Variants in CAV1 observed in about 807,000 individuals in gnomAD.
CAV1 encodes the protein caveolin-1.
A neutral mutation model predicts 16.5 loss-of-function variants in CAV1; 10 were observed. That is an observed-to-expected ratio of 0.61 (90% CI 0.37 to 1.03). The LOEUF is 1.03. Among genes scored for constraint, CAV1 ranks in the 50% least tolerant of loss-of-function variants. The pLI is 0.01. For synonymous variants in CAV1, 76 were observed against 85.1 expected, an observed-to-expected ratio of 0.89 and a Z score of 0.59; for missense variants, 212 against 232.8, an observed-to-expected ratio of 0.91 and a Z score of 0.58.
At chr7:116,551,479 G>C (rs562376623) in intron 2 of CAV1, among the ~76,000 whole-genome samples, 13 of 152,168 alleles carry the variant, frequency 8.5e-5, no homozygotes, top group Middle Eastern at 3.4e-3. Flanking sequence ...TCTATTTCTG[G>C]ACTTTGTCCC....
chr7:116,526,468 C>T, intron 1 of CAV1, 57 bp from the exon 2 acceptor site: 1 of 1,610,942 alleles, frequency 6.2e-7, no homozygotes. Flanking sequence ...TGCATTTTTC[C>T]TCCCACCGCC....
At chr7:116,539,834 C>T (rs111937486) in intron 2 of CAV1, among the ~76,000 whole-genome samples, 2 of 152,138 alleles carry the variant, frequency 1.3e-5, no homozygotes, top group African/African-American at 4.8e-5. Context: ...ATACCATCTG[C>T]TGCTGTTTGG....
chr7:116,527,026 A>T (rs984113976), intron 2 of CAV1: 20 of 378,722 alleles, frequency 5.3e-5, no homozygotes, highest in Non-Finnish European at 7.6e-5. Flanking sequence ...GGACGGTGAG[A>T]TGGTTCCTAT....
chr7:116,525,535 C>A (rs1212417016), intron 1 of CAV1: 3 of 1,225,614 alleles, frequency 2.4e-6, no homozygotes, highest in Non-Finnish European at 3.1e-6. Flanking sequence ...GCGCCCAGAC[C>A]GGCAGGTCCC....
At chr7:116,526,417 C>G in intron 1 of CAV1, 108 bp from the exon 2 acceptor site, 1 of 1,573,550 alleles carries the variant, frequency 6.4e-7, no homozygotes, top group East Asian at 2.3e-5. Flanking sequence ...TCGAGGTTTC[C>G]CCCGCCGCCA....
At chr7:116,545,769 G>A (rs993216428) in intron 2 of CAV1, among the ~76,000 whole-genome samples, 1 of 152,212 alleles carries the variant, frequency 6.6e-6, no homozygotes, top group Non-Finnish European at 1.5e-5. Flanking sequence ...TCCGTTTCTT[G>A]TGTCTTTGAT....
chr7:116,531,888 C>G (rs1343508362), intron 2 of CAV1, among the ~76,000 whole-genome samples: 1 of 152,134 alleles, frequency 6.6e-6, no homozygotes, highest in Non-Finnish European at 1.5e-5. Context: ...GCATTATGAT[C>G]ATCTTTAGTG....
At position 116,559,572 on chromosome 7, in the gene CAV1, T is replaced by A. The variant is rs924208369; in HGVS notation, c.*285T>A. The A allele has an allele frequency of 1.1e-5, 6 of 533,832 alleles. No individual in the cohort carries two copies. Among genetic ancestry groups the A allele is most frequent in the Middle Eastern group, 4.8e-4 (1 of 2,092 alleles). 33.1% of individuals were successfully genotyped at this position (533,832 alleles called of 1,614,324 possible). A position where few individuals can be genotyped will look rare whatever the true frequency, so the allele number is the denominator to read the frequency against. On this transcript the variant is annotated 3_prime_UTR_variant, in exon 3 of 3. Transcript: ENST00000341049. Reference sequence around the variant, plus strand: ...CTTTATTGGCTGAGATATGAACATATTGTTGAAAGGTAATTTGAGAGAAAT... The same window carrying A: ...CTTTATTGGCTGAGATATGAACATAATGTTGAAAGGTAATTTGAGAGAAAT...
At chr7:116,526,290 T>A in intron 1 of CAV1, 2 of 1,321,558 alleles carry the variant, frequency 1.5e-6, no homozygotes, top group Admixed American at 3.1e-5. Flanking sequence ...AGGCGCGCCC[T>A]GCAGAGTACA....
intron 2 of CAV1, among the ~76,000 whole-genome samples, chr7:116,539,192 TCTC>T (rs1793887201): frequency 6.6e-6 from 1 of 152,066 alleles, no homozygotes; most frequent in African/African-American, 2.4e-5. Context: ...CAGCATCTCT[TCTC>T]CTTGCCCCCG....
chr7:116,539,305 A>G (rs1359166687), intron 2 of CAV1, among the ~76,000 whole-genome samples: 2 of 151,454 alleles, frequency 1.3e-5, no homozygotes, highest in African/African-American at 4.9e-5. Context: ...CTTCCTTCTC[A>G]CCCCACTTTG....
chr7:116,559,998 C>T lies in CAV1; in HGVS notation c.*711C>T. The T allele has an allele frequency of 1.0e-5, 4 of 396,706 alleles. No homozygotes were observed. The highest frequency in any genetic ancestry group is 1.8e-5 in the Non-Finnish European group (4 of 225,100). 24.6% of individuals were successfully genotyped at this position (396,706 alleles called of 1,614,324 possible). On this transcript the variant is annotated 3_prime_UTR_variant, in exon 3 of 3. Transcript: ENST00000341049. ...AAATAGGGTCTAACTCAGCAACTCG[C>T]TTTAGGTCAGCAGCCTCCCTGAAGA...
intron 2 of CAV1, 60 bp downstream of exon 2, chr7:116,526,749 T>A: frequency 6.3e-7 from 1 of 1,598,456 alleles, no homozygotes; most frequent in Non-Finnish European, 8.6e-7. Context: ...AGTTAGCCCG[T>A]GCATCCTTCT....
intron 1 of CAV1, chr7:116,526,188 G>A: frequency 1.9e-5 from 14 of 741,918 alleles, no homozygotes; most frequent in Non-Finnish European, 2.3e-5. Context: ...GGTCCTGCGG[G>A]TCCTGCGTGC....
chr7:116,541,994 CT>C (rs898734465), intron 2 of CAV1, among the ~76,000 whole-genome samples: 1 of 152,142 alleles, frequency 6.6e-6, no homozygotes, highest in African/African-American at 2.4e-5. Flanking sequence ...ACACTTTCCC[CT>C]ATGCCAGCAG....
At chr7:116,555,519 AGAGAGAGAGAG>A (rs1562838194) in intron 2 of CAV1, among the ~76,000 whole-genome samples, 3 of 6,572 alleles carry the variant, frequency 4.6e-4, no homozygotes, top group Non-Finnish European at 9.6e-4. Context: ...AAAGAAAGAA[AGAGAGAGAGAG>A]AGAGAGAGAG....
chr7:116,535,390 C>T (rs1240727477), intron 2 of CAV1, among the ~76,000 whole-genome samples: 1 of 152,170 alleles, frequency 6.6e-6, no homozygotes, highest in Non-Finnish European at 1.5e-5. Context: ...AAGAGGATCC[C>T]TTATGTTCCA....
chr7:116,546,083 G>T (rs1332225151), intron 2 of CAV1, among the ~76,000 whole-genome samples: 1 of 152,124 alleles, frequency 6.6e-6, no homozygotes, highest in Non-Finnish European at 1.5e-5. Flanking sequence ...GTTCAAGTTC[G>T]CTAACTAATC....
At chr7:116,525,638 AGAGAGG>A in intron 1 of CAV1, 4 of 1,115,722 alleles carry the variant, frequency 3.6e-6, no homozygotes, top group South Asian at 2.5e-5. Flanking sequence ...GGGTGTTCCG[AGAGAGG>A]TAGACCTCCC....
Sources: allele counts gnomAD v4.1 joint callset (sites outside exome capture counted in the v4.1 genomes callset), GRCh38; gene constraint gnomAD v4.1.1; transcripts MANE v1.5; gene names NCBI Gene and HGNC (gene_info 2026-07-23, HGNC 2026-07-21).